Variants in FMNL3 observed in about 807,000 individuals in gnomAD.
FMNL3 encodes the protein formin like 3.
In FMNL3, 57 loss-of-function variants were observed where a neutral mutation model predicts 119.6. The ratio of observed to expected loss-of-function variants is 0.48; its 90% CI spans 0.39 to 0.59. The LOEUF is 0.59. Among genes scored for constraint, FMNL3 ranks in the 20% least tolerant of loss-of-function variants. FMNL3 has a pLI of 0.00. For synonymous variants in FMNL3, 491 were observed against 507.3 expected (o/e 0.97, Z 0.43); for missense variants, 1,053 against 1,323.5 (o/e 0.80, Z 3.17).
chr12:49,656,537 A>G (rs768789211), intron 8 of FMNL3, 40 bp from the exon 9 acceptor site: 4 of 1,557,568 alleles, frequency 2.6e-6, no homozygotes, highest in Non-Finnish European at 3.5e-6. Context: ...CTAACTCCCC[A>G]TCCTGACAAC....
At chr12:49,661,697 T>C (rs1943738475) in intron 5 of FMNL3, 3 of 419,330 alleles carry the variant, frequency 7.2e-6, no homozygotes, top group Non-Finnish European at 8.7e-6. Context: ...ATGCCTTGGG[T>C]TCTGATTCCA....
chr12:49,669,831 C>CAACAAAACAA (rs58452472), intron 1 of FMNL3, among the ~76,000 whole-genome samples: 12,281 of 147,628 alleles, frequency 0.083, 655 homozygotes, highest in South Asian at 0.2. Context: ...GATTCTATCT[C>CAACAAAACAA]AACAAAACAA....
At chr12:49,668,378 A>T (rs1943948528) in intron 2 of FMNL3, 93 bp downstream of exon 2, 8 of 1,186,786 alleles carry the variant, frequency 6.7e-6, no homozygotes, top group Non-Finnish European at 7.4e-6. Flanking sequence ...TTCCTCAAGG[A>T]ACCCAAGGCT....
intron 1 of FMNL3, among the ~76,000 whole-genome samples, chr12:49,671,416 T>G (rs1944043284): frequency 6.6e-6 from 1 of 152,214 alleles, no homozygotes; most frequent in South Asian, 2.1e-4. Flanking sequence ...GTCTCAGACT[T>G]CTCTGCTTCT....
At position 49,637,270 on chromosome 12, in the gene FMNL3, CCT is replaced by C. The variant is rs576105767; in HGVS notation, c.*8543_*8544del. 6.5e-4 allele frequency: 387 copies of C among 595,116 alleles called. 4 individuals are homozygous for C. In the South Asian group the frequency reaches 7.7e-3, roughly 12 times the overall value. 36.9% of individuals were successfully genotyped at this position (595,116 alleles called of 1,614,324 possible). On this transcript the variant is annotated 3_prime_UTR_variant, in exon 26 of 26. Coordinates refer to ENST00000335154, the MANE Select transcript of FMNL3 (RefSeq NM_175736.5). ...CTTGTTCTCACCTTTTTGTTCTGTC[CCT>C]CTCTGTGTATTTACTTTCTCTCTTT... is the stretch of plus-strand genomic sequence containing the variant.
chr12:49,680,049 G>A lies in FMNL3; in HGVS notation c.127-11495C>T, dbSNP rs537314938. Among the ~76,000 whole-genome samples the A allele has an allele frequency of 2.0e-5, 3 of 152,304 alleles. No homozygotes were observed. The South Asian group carries it at 6.2e-4, about 32-fold the overall frequency. ...TATTATTTCCTGAACTAGAATATAA[G>A]CTCCTTGAGGACTTTGCCTTGAATA... On this transcript the variant is annotated intron_variant, in intron 1 of 25. Coordinates refer to ENST00000335154, the MANE Select transcript of FMNL3 (RefSeq NM_175736.5).
At chr12:49,673,937 G>A (rs1170569760) in intron 1 of FMNL3, among the ~76,000 whole-genome samples, 15 of 152,330 alleles carry the variant, frequency 9.8e-5, no homozygotes, top group African/African-American at 3.6e-4. Flanking sequence ...AAAGGTCCAA[G>A]AGCTAAAATT....
rs1328564180 is a variant in FMNL3 at position 49,643,620 on chromosome 12, A to T, written c.*2195T>A. The T allele has an allele frequency of 1.3e-6, 2 of 1,513,908 alleles. No homozygotes were observed. 93.8% of individuals were successfully genotyped at this position (1,513,908 alleles called of 1,614,324 possible). On this transcript the variant is annotated 3_prime_UTR_variant, in exon 26 of 26. Transcript: ENST00000335154. ...GTTCCTGCCTGTGAAGAATGAACAG[A>T]GGGGCTAGAACAAAGAAAAAGAGCC...
At chr12:49,656,604 G>A in intron 8 of FMNL3, 107 bp from the exon 9 acceptor site, 1 of 1,055,840 alleles carries the variant, frequency 9.5e-7, no homozygotes, top group Middle Eastern at 2.1e-4. Flanking sequence ...GAAAGCCTCA[G>A]TGGTGAGGAG....
chr12:49,668,018 G>C (rs924030604), intron 2 of FMNL3, among the ~76,000 whole-genome samples: 1 of 152,196 alleles, frequency 6.6e-6, no homozygotes, highest in African/African-American at 2.4e-5. Context: ...TGCAGAGAGA[G>C]TTTCCAGACC....
chr12:49,700,018 A>G (rs1944859654), intron 1 of FMNL3, among the ~76,000 whole-genome samples: 1 of 152,258 alleles, frequency 6.6e-6, no homozygotes, highest in African/African-American at 2.4e-5. Context: ...ACTTCTAGCA[A>G]TTTATCCTAA....
At position 49,649,329 on chromosome 12, in the gene FMNL3, G is replaced by A. The variant is rs1943318246; in HGVS notation, c.2315C>T (p.Ala772Val). The change falls in exon 20 of 26, where the codon GCA (alanine) becomes GTA (valine). Residue 772 changes from alanine to valine, a missense_variant. By Grantham distance (64) the Ala-to-Val change is moderately conservative. Transcript: ENST00000335154. The surrounding 1 kb of genome is among the most constrained non-coding windows in gnomAD (Gnocchi z 5.6). ...GCTGCTGTTCATGTAGTTCCCCAGTGCAAGTATGATCTGTCCAAAGAATGT... is the reference window on the plus strand; with the variant it reads ...GCTGCTGTTCATGTAGTTCCCCAGTACAAGTATGATCTGTCCAAAGAATGT... ...KLKQMLEIIL[A>V]LGNYMNSSKR... 2 of 1,614,060 alleles carry A rather than the reference G, an allele frequency of 1.2e-6. No individual in the cohort carries two copies. The highest frequency in any genetic ancestry group is 2.2e-5 in the South Asian group (2 of 91,086).
At chr12:49,652,357 G>T in intron 13 of FMNL3, 145 bp from the exon 14 acceptor site, 1 of 1,410,766 alleles carries the variant, frequency 7.1e-7, no homozygotes, top group East Asian at 2.5e-5. Context: ...ACCCAGGTGG[G>T]GGAATGAGGA....
intron 6 of FMNL3, among the ~76,000 whole-genome samples, chr12:49,657,992 T>G (rs1216534021): frequency 1.3e-5 from 2 of 151,892 alleles, no homozygotes; most frequent in Non-Finnish European, 2.9e-5. Flanking sequence ...GTGAAGGGAA[T>G]GCAAGGGGCA....
rs1425374610 is a variant in FMNL3, at chr12:49,707,314, C to T, written c.-134G>A. 1.9e-5 allele frequency: 16 copies of T among 833,532 alleles called. No individual in the cohort carries two copies. Among genetic ancestry groups the T allele is most frequent in the Admixed American group, 4.1e-5 (1 of 24,550 alleles). The allele number at this position is 833,532 out of a possible 1,614,324, so 51.6% of individuals were successfully genotyped here. A position where few individuals can be genotyped will look rare whatever the true frequency, so the allele number is the denominator to read the frequency against. On this transcript the variant is annotated 5_prime_UTR_variant, in exon 1 of 26. Coordinates refer to ENST00000335154, the MANE Select transcript of FMNL3 (RefSeq NM_175736.5). ...GACTCCTCGGCCCCGTCGAGGGCGC[C>T]GGGGGTTCCCTGGAGTCCCGCTGGC...
intron 17 of FMNL3, 76 bp downstream of exon 17, chr12:49,650,600 G>C: frequency 6.5e-7 from 1 of 1,539,278 alleles, no homozygotes; most frequent in Non-Finnish European, 8.9e-7. Flanking sequence ...TGGAATCTAG[G>C]GAAACCCAGG....
Position 49,647,569 on chromosome 12 carries a change from G to A in FMNL3, c.2778+134C>T. 3.2e-6 allele frequency: 3 copies of A among 928,432 alleles called. No homozygotes were observed. Among genetic ancestry groups the A allele is most frequent in the Non-Finnish European group, 3.3e-6 (2 of 599,358 alleles). The allele number at this position is 928,432 out of a possible 1,614,324, so 57.5% of individuals were successfully genotyped here. ...CCACCAGTTCACAGCTAAGAGGCCT[G>A]TCACCAGCTTGCATCGCTCCCTTCC... is the stretch of plus-strand genomic sequence containing the variant. On this transcript the variant is annotated intron_variant, in intron 23 of 25. Transcript: ENST00000335154. This position sits in a 1 kb window ranked among gnomAD's most constrained non-coding sequence, Gnocchi z 4.9.
At position 49,647,982 on chromosome 12, in the gene FMNL3, C is replaced by T. The variant is rs1465089708; in HGVS notation, c.2677-178G>A. On this transcript the variant is annotated intron_variant, in intron 22 of 25. Coordinates refer to ENST00000335154, the MANE Select transcript of FMNL3 (RefSeq NM_175736.5). This position sits in a 1 kb window ranked among gnomAD's most constrained non-coding sequence, Gnocchi z 4.9. ...TCCCAAAGCTCCTGAGTATGAGTCT[C>T]CAGAGGCAGCTGCCTGGCACTCCCA... is the stretch of plus-strand genomic sequence containing the variant. Among the ~76,000 whole-genome samples, 2 of 152,070 alleles carry T rather than the reference C, an allele frequency of 1.3e-5. No homozygotes were observed. The highest frequency in any genetic ancestry group is 2.4e-5 in the African/African-American group (1 of 41,386).
At chr12:49,702,567 A>C (rs1221416040) in intron 1 of FMNL3, among the ~76,000 whole-genome samples, 2 of 152,164 alleles carry the variant, frequency 1.3e-5, no homozygotes, top group East Asian at 1.9e-4. Context: ...CAAAACAAAA[A>C]AACGCTGAAT....
Sources: gnomAD v4.1 joint callset for allele counts (sites outside exome capture counted in the v4.1 genomes callset) on GRCh38, gnomAD v4.1.1 for gene constraint, Gnocchi (gnomAD v3.1) non-coding constraint, MANE v1.5 for transcripts, NCBI Gene and HGNC (gene_info 2026-07-23, HGNC 2026-07-21) for gene names.